The following SLC9A7 variants were observed in gnomAD, a reference collection of about 807,000 sequenced individuals.
SLC9A7 encodes the protein solute carrier family 9 member A7, also known as sodium/hydrogen exchanger 7.
SLC9A7 carries 19 observed loss-of-function variants against 52.6 expected under a neutral mutation model. The ratio of observed to expected loss-of-function variants is 0.36; its 90% CI spans 0.25 to 0.53. The LOEUF is 0.53. Ranked by LOEUF, SLC9A7 falls within the 20% of genes least tolerant of loss-of-function variation. The probability of loss-of-function intolerance (pLI) is 0.91; values close to 1 mark genes in which losing one functional copy is unlikely to be tolerated. For missense variants in SLC9A7, 455 were observed against 597.9 expected, an observed-to-expected ratio of 0.76 and a Z score of 2.49; for synonymous variants, 226 against 252.1, an observed-to-expected ratio of 0.90 and a Z score of 0.98.
At chrX:46,636,170 T>C (rs1277066040) in intron 12 of SLC9A7, among the ~76,000 whole-genome samples, 1 of 111,203 alleles carries the variant, frequency 9.0e-6, no homozygotes, top group Non-Finnish European at 1.9e-5. Flanking sequence ...ATGTTGTACA[T>C]AGGATCAACC....
intron 5 of SLC9A7, among the ~76,000 whole-genome samples, chrX:46,665,279 A>G (rs1356691936): frequency 1.8e-5 from 2 of 111,495 alleles, no homozygotes; most frequent in African/African-American, 3.3e-5. Flanking sequence ...GGGAAAAACA[A>G]AAGAATGGCA....
intron 7 of SLC9A7, among the ~76,000 whole-genome samples, chrX:46,654,014 T>C (rs1245240335): frequency 1.8e-5 from 2 of 111,259 alleles, no homozygotes; most frequent in Non-Finnish European, 3.8e-5. Context: ...GATGGCTACA[T>C]GACATTGTGA....
At chrX:46,738,428 T>C (rs1921045931) in intron 1 of SLC9A7, among the ~76,000 whole-genome samples, 1 of 112,081 alleles carries the variant, frequency 8.9e-6, no homozygotes, top group African/African-American at 3.2e-5. Context: ...TTTAGGAATT[T>C]TTCAAGAACT....
chrX:46,644,439 C>A (rs771623763), intron 11 of SLC9A7, among the ~76,000 whole-genome samples: 1 of 111,693 alleles, frequency 9.0e-6, no homozygotes, highest in Non-Finnish European at 1.9e-5. Flanking sequence ...AGTTTGAGAC[C>A]AGCCTGGCCA....
At chrX:46,683,342 C>T (rs1472263229) in intron 1 of SLC9A7, among the ~76,000 whole-genome samples, 1 of 111,136 alleles carries the variant, frequency 9.0e-6, no homozygotes, top group African/African-American at 3.3e-5. Context: ...TGCTTTGCCA[C>T]ACATCAGAGG....
chrX:46,703,163 T>C (rs1944557080), intron 1 of SLC9A7, among the ~76,000 whole-genome samples: 1 of 112,314 alleles, frequency 8.9e-6, no homozygotes, highest in Non-Finnish European at 1.9e-5. Flanking sequence ...TTCTGGAAAT[T>C]AGACCTTTGT....
At chrX:46,684,487 G>A (rs1343492706) in intron 1 of SLC9A7, among the ~76,000 whole-genome samples, 5 of 111,767 alleles carry the variant, frequency 4.5e-5, no homozygotes, top group African/African-American at 1.6e-4. Context: ...TTACAGGCGT[G>A]AGCCACCATG....
chrX:46,759,105 G>A lies in SLC9A7; in HGVS notation c.-76C>T, dbSNP rs1922934887. 3.1e-5 allele frequency: 21 copies of A among 679,348 alleles called. No individual in the cohort carries two copies. The South Asian group carries it at 1.3e-3, about 43-fold the overall frequency. The allele number at this position is 679,348 out of a possible 1,213,427, so 56.0% of individuals were successfully genotyped here. On this transcript the variant is annotated 5_prime_UTR_variant, in exon 1 of 17. Coordinates refer to ENST00000616978, the MANE Select transcript of SLC9A7 (RefSeq NM_001257291.2). ...CGTCGGCGGGTTCTGGCAGCACCGC[G>A]GACCTGCCGGAGTGGCCGTGGCCGC...
intron 16 of SLC9A7, 58 bp downstream of exon 16, chrX:46,613,231 C>A (rs6611276): frequency 2.3e-6 from 2 of 878,958 alleles, no homozygotes; most frequent in Admixed American, 5.9e-5. Flanking sequence ...CTTCTTCCTA[C>A]GTAAGACACT....
At chrX:46,675,476 A>G (rs1454977170) in intron 3 of SLC9A7, among the ~76,000 whole-genome samples, 1 of 111,806 alleles carries the variant, frequency 8.9e-6, no homozygotes, top group African/African-American at 3.3e-5. Context: ...CTGTGATATT[A>G]TGATGTGTAT....
chrX:46,633,380 A>AAAAAAAG (rs1943261033), intron 13 of SLC9A7, among the ~76,000 whole-genome samples: 1 of 94,021 alleles, frequency 1.1e-5, no homozygotes, highest in African/African-American at 4.3e-5. Flanking sequence ...AAAAAAAAAA[A>AAAAAAAG]ACAGATCGGG....
At chrX:46,630,075 G>C (rs1287168956) in intron 14 of SLC9A7, among the ~76,000 whole-genome samples, 1 of 111,409 alleles carries the variant, frequency 9.0e-6, no homozygotes, top group Non-Finnish European at 1.9e-5. Context: ...AAAATGTCCA[G>C]AACTTTCCAG....
intron 8 of SLC9A7, among the ~76,000 whole-genome samples, chrX:46,652,937 C>T (rs1943607349): frequency 1.8e-5 from 2 of 112,115 alleles, no homozygotes; most frequent in South Asian, 3.7e-4. Context: ...TTAAAGGACA[C>T]ATATTTTGCT....
intron 15 of SLC9A7, among the ~76,000 whole-genome samples, chrX:46,619,748 T>TC (rs1399511363): frequency 3.7e-5 from 4 of 108,393 alleles, no homozygotes; most frequent in African/African-American, 1.3e-4. Context: ...TTTTTTTTTT[T>TC]TGGAGACAGG....
intron 5 of SLC9A7, among the ~76,000 whole-genome samples, chrX:46,665,612 C>CAT (rs1569513684): frequency 9.4e-6 from 1 of 105,930 alleles, no homozygotes; most frequent in African/African-American, 3.5e-5. Context: ...TTATGTCAGG[C>CAT]ATTTTTACCA....
At chrX:46,660,132 T>G (rs1282494648) in intron 7 of SLC9A7, among the ~76,000 whole-genome samples, 1 of 108,728 alleles carries the variant, frequency 9.2e-6, no homozygotes, top group Non-Finnish European at 1.9e-5. Flanking sequence ...GGATTCCCTA[T>G]TTAATAAATG....
intron 12 of SLC9A7, 35 bp downstream of exon 12, chrX:46,643,201 C>G (rs1363579708): frequency 9.4e-6 from 11 of 1,175,477 alleles, no homozygotes; most frequent in Middle Eastern, 2.4e-4. Flanking sequence ...ACGGTGACAA[C>G]TGACATACTC....
At chrX:46,686,498 TAA>T (rs1205060023) in intron 1 of SLC9A7, among the ~76,000 whole-genome samples, 1 of 112,049 alleles carries the variant, frequency 8.9e-6, no homozygotes, top group Non-Finnish European at 1.9e-5. Flanking sequence ...GAGAAAATGA[TAA>T]AGACTTGGAG....
chrX:46,599,939 T>A lies in SLC9A7; in HGVS notation c.*7013A>T, dbSNP rs768268716. The A allele has an allele frequency of 2.7e-5, 3 of 112,216 alleles. No individual in the cohort carries two copies. Among genetic ancestry groups the A allele is most frequent in the Admixed American group, 9.5e-5 (1 of 10,552 alleles). 9.2% of individuals were successfully genotyped at this position (112,216 alleles called of 1,213,427 possible). On this transcript the variant is annotated 3_prime_UTR_variant, in exon 17 of 17. Transcript: ENST00000616978. ...AGTTGCTTTTCAGCTATTAAATGAATCTTTATGGCCTTCTCATTTAACCAT... is the reference window on the plus strand; with the variant it reads ...AGTTGCTTTTCAGCTATTAAATGAAACTTTATGGCCTTCTCATTTAACCAT...
Sources: gnomAD v4.1 joint callset for allele counts (sites outside exome capture counted in the v4.1 genomes callset) on GRCh38, gnomAD v4.1.1 for gene constraint, MANE v1.5 for transcripts, NCBI Gene and HGNC (gene_info 2026-07-23, HGNC 2026-07-21) for gene names.